The following PARN variants were observed in gnomAD, a reference collection of about 807,000 sequenced individuals.
The protein encoded by PARN is poly(A)-specific ribonuclease, also known as poly(A)-specific ribonuclease PARN.
PARN carries 71 observed loss-of-function variants against 102.8 expected under a neutral mutation model. The ratio of observed to expected loss-of-function variants is 0.69; its 90% CI spans 0.57 to 0.84. PARN has a LOEUF of 0.84. Among genes scored for constraint, PARN ranks in the 40% least tolerant of loss-of-function variants. PARN has a pLI of 0.00. For missense variants in PARN, 782 were observed against 760.9 expected (o/e 1.03, Z -0.33); for synonymous variants, 261 against 252.9 (o/e 1.03, Z -0.30).
chr16:14,561,247 A>C (rs1199441682), intron 18 of PARN, among the ~76,000 whole-genome samples: 1 of 151,998 alleles, frequency 6.6e-6, no homozygotes, highest in Non-Finnish European at 1.5e-5. Flanking sequence ...ATTTCATTTC[A>C]GATATATAAC....
intron 21 of PARN, among the ~76,000 whole-genome samples, chr16:14,538,836 T>C (rs535140751): frequency 1.3e-5 from 2 of 152,226 alleles, no homozygotes; most frequent in East Asian, 3.9e-4. Flanking sequence ...CATTACCACC[T>C]AAGCTCCACG....
chr16:14,456,272 C>T (rs1168268102), intron 22 of PARN, among the ~76,000 whole-genome samples: 5 of 151,842 alleles, frequency 3.3e-5, no homozygotes, highest in Admixed American at 2.0e-4. Flanking sequence ...CAGGTTCAAG[C>T]GATCCTCCTA....
At chr16:14,625,370 G>A (rs1422597765) in intron 5 of PARN, among the ~76,000 whole-genome samples, 1 of 152,126 alleles carries the variant, frequency 6.6e-6, no homozygotes, top group African/African-American at 2.4e-5. Context: ...CTTGGTGCAT[G>A]CCTGTAATCC....
chr16:14,441,332 G>A lies in PARN; in HGVS notation c.1865-4560C>T, dbSNP rs60140034. Among the ~76,000 whole-genome samples the A allele has an allele frequency of 0.017, 2,645 of 152,316 alleles. 212 individuals carry two copies. The East Asian group carries it at 0.27, about 16-fold the overall frequency. ...TTAAAAGACGGGGAACACAAAAGGT[G>A]AATATTTCTGCTTTTCTCCCCTTTA... On this transcript the variant is annotated intron_variant, in intron 23 of 23. Coordinates refer to ENST00000437198, the MANE Select transcript of PARN (RefSeq NM_002582.4).
At position 14,562,376 on chromosome 16, in the gene PARN, T is replaced by C. The variant is rs1023062179; in HGVS notation, c.1263-6667A>G. Among the ~76,000 whole-genome samples the C allele has an allele frequency of 3.6e-4, 51 of 142,800 alleles. 1 individual carries two copies. The highest frequency in any genetic ancestry group is 2.9e-3 in the Admixed American group (38 of 13,316). 93.7% of individuals were successfully genotyped at this position (142,800 alleles called of 152,430 possible). On this transcript the variant is annotated intron_variant, in intron 18 of 23. Coordinates refer to ENST00000437198, the MANE Select transcript of PARN (RefSeq NM_002582.4). ...GGGAGGCTAAGGCAGGAGGAGCCCC[T>C]GAGCCTGAGAGGTGGAGGTTGCAGT...
intron 18 of PARN, among the ~76,000 whole-genome samples, chr16:14,568,019 C>T (rs1225400476): frequency 6.6e-6 from 1 of 152,054 alleles, no homozygotes; most frequent in Non-Finnish European, 1.5e-5. Context: ...CTTCTATCAA[C>T]ACAGAGAGAC....
chr16:14,529,785 T>C (rs1966220172), intron 21 of PARN, among the ~76,000 whole-genome samples: 1 of 152,102 alleles, frequency 6.6e-6, no homozygotes. Context: ...GGACTCGGCA[T>C]CCCCTTCCTG....
chr16:14,616,434 T>C (rs917562914), intron 6 of PARN, among the ~76,000 whole-genome samples: 2 of 152,230 alleles, frequency 1.3e-5, no homozygotes, highest in African/African-American at 4.8e-5. Context: ...ACTAAGAAAC[T>C]GTCTCCAACT....
At chr16:14,575,383 A>G (rs1969064015) in intron 18 of PARN, among the ~76,000 whole-genome samples, 1 of 152,256 alleles carries the variant, frequency 6.6e-6, no homozygotes, top group East Asian at 1.9e-4. Context: ...GAGCTGCCCA[A>G]GACCATGGGA....
At chr16:14,468,369 G>A (rs971050011) in intron 22 of PARN, among the ~76,000 whole-genome samples, 1 of 152,218 alleles carries the variant, frequency 6.6e-6, no homozygotes, top group African/African-American at 2.4e-5. Context: ...CCTATGGTGG[G>A]AAAGGTGGAC....
chr16:14,436,644 G>T lies in PARN; in HGVS notation c.*73C>A. ...CACATTTGATTAAGTTAAATACAGT[G>T]CGGCTTCCAAATGTGCCAGCCGGCT... On this transcript the variant is annotated 3_prime_UTR_variant, in exon 24 of 24. Coordinates refer to ENST00000437198, the MANE Select transcript of PARN (RefSeq NM_002582.4). 9.2e-7 allele frequency: 1 copy of T among 1,085,530 alleles called. No homozygotes were observed. Among genetic ancestry groups the T allele is most frequent in the East Asian group, 2.5e-5 (1 of 39,216 alleles). 67.2% of individuals were successfully genotyped at this position (1,085,530 alleles called of 1,614,324 possible).
chr16:14,611,581 C>T (rs1167787582), intron 6 of PARN, among the ~76,000 whole-genome samples: 2 of 152,132 alleles, frequency 1.3e-5, no homozygotes, highest in African/African-American at 4.8e-5. Flanking sequence ...TACTCTGTCA[C>T]CCAGGCTGGC....
chr16:14,475,793 C>T (rs1963011559), intron 22 of PARN, among the ~76,000 whole-genome samples: 1 of 152,160 alleles, frequency 6.6e-6, no homozygotes, highest in Non-Finnish European at 1.5e-5. Context: ...ATTATGGATG[C>T]CTGAATTTTT....
intron 12 of PARN, among the ~76,000 whole-genome samples, chr16:14,597,087 C>T (rs1041894466): frequency 6.6e-6 from 1 of 152,020 alleles, no homozygotes; most frequent in African/African-American, 2.4e-5. Flanking sequence ...ATGCCCAGCC[C>T]ATTTTTTTCT....
chr16:14,521,143 T>A (rs1965712335), intron 21 of PARN, among the ~76,000 whole-genome samples: 1 of 152,242 alleles, frequency 6.6e-6, no homozygotes, highest in African/African-American at 2.4e-5. Flanking sequence ...ATCAAGGGCT[T>A]CTGTAATGTA....
At chr16:14,506,821 C>G (rs1964917664) in intron 21 of PARN, among the ~76,000 whole-genome samples, 1 of 151,540 alleles carries the variant, frequency 6.6e-6, no homozygotes, top group Non-Finnish European at 1.5e-5. Flanking sequence ...TGAGATCTCA[C>G]TGCCTTTAAA....
intron 21 of PARN, among the ~76,000 whole-genome samples, chr16:14,483,556 G>A (rs1963494655): frequency 6.6e-6 from 1 of 152,028 alleles, no homozygotes; most frequent in South Asian, 2.1e-4. Context: ...AAATGATCAG[G>A]CTTTATTACC....
At position 14,525,722 on chromosome 16, in the gene PARN, T is replaced by C. The variant is rs549419660; in HGVS notation, c.1480+26299A>G. Reference sequence around the variant, plus strand: ...ACCTAAAAAGCAACACTCTCCTTAATTGTAGGCTCCACCAGGAAAAGACTA... The same window carrying C: ...ACCTAAAAAGCAACACTCTCCTTAACTGTAGGCTCCACCAGGAAAAGACTA... On this transcript the variant is annotated intron_variant, in intron 21 of 23. Coordinates refer to ENST00000437198, the MANE Select transcript of PARN (RefSeq NM_002582.4). 2.2e-4 allele frequency among the ~76,000 whole-genome samples: 33 copies of C among 152,316 alleles called. 1 individual carries two copies. Among genetic ancestry groups the C allele is most frequent in the African/African-American group, 7.0e-4 (29 of 41,572 alleles).
chr16:14,451,843 T>TAAAAAAAAAAAAAAA (rs1184998225), intron 22 of PARN, among the ~76,000 whole-genome samples: 3 of 54,618 alleles, frequency 5.5e-5, no homozygotes, highest in Non-Finnish European at 1.1e-4. Flanking sequence ...ACCCCGTCTC[T>TAAAAAAAAAAAAAAA]AAAAAAAAAA....
Sources: gnomAD v4.1 joint callset for allele counts (sites outside exome capture counted in the v4.1 genomes callset) on GRCh38, gnomAD v4.1.1 for gene constraint, MANE v1.5 for transcripts, NCBI Gene and HGNC (gene_info 2026-07-23, HGNC 2026-07-21) for gene names.